Variants in WIPF3 observed in about 807,000 individuals in gnomAD.
The protein encoded by WIPF3 is WAS/WASL-interacting protein family member 3.
Under a neutral mutation model 38.9 loss-of-function variants are expected in WIPF3, and 33 were observed. The ratio of observed to expected loss-of-function variants is 0.85; its 90% CI spans 0.64 to 1.14. The LOEUF (loss-of-function observed/expected upper bound fraction) is 1.14. Ranked by LOEUF, WIPF3 falls within the 50% of genes most tolerant of loss-of-function variation. The pLI is 0.00. For synonymous variants in WIPF3, 324 were observed against 269.3 expected (o/e 1.20, Z -1.99); for missense variants, 711 against 652.5 (o/e 1.09, Z -0.98).
rs759465497 is a variant in WIPF3 at position 29,879,083 on chromosome 7, G to T, written c.298G>T (p.Asp100Tyr). ...RGASTPPTLG[D>Y]LFAGGFPVLR... ...CGCGAGCACACCTCCCACCCTGGGA[G>T]ATCTGTTTGCTGGTGGCTTTCCTGT... The change falls in exon 4 of 9, where the codon GAT (aspartate) becomes TAT (tyrosine). Residue 100 changes from aspartate to tyrosine, a missense_variant. Transcript: ENST00000242140. 1.7e-5 allele frequency: 27 copies of T among 1,611,866 alleles called. No individual in the cohort carries two copies. Among genetic ancestry groups the T allele is most frequent in the Non-Finnish European group, 1.7e-6 (2 of 1,179,070 alleles).
chr7:29,813,348 A>C (rs1279707595), intron 1 of WIPF3, among the ~76,000 whole-genome samples: 1 of 152,134 alleles, frequency 6.6e-6, no homozygotes, highest in Non-Finnish European at 1.5e-5. Context: ...CTCTCTTTAA[A>C]AACCTACAAA....
intron 2 of WIPF3, among the ~76,000 whole-genome samples, chr7:29,865,918 G>A (rs1785378905): frequency 6.6e-6 from 1 of 152,156 alleles, no homozygotes; most frequent in African/African-American, 2.4e-5. Context: ...TAGCACTTTG[G>A]GAGGCCGAGG....
chr7:29,903,129 C>T (rs973331068), intron 7 of WIPF3, among the ~76,000 whole-genome samples: 1 of 151,580 alleles, frequency 6.6e-6, no homozygotes, highest in African/African-American at 2.4e-5. Context: ...CCTGTCTCTA[C>T]AAAAAATTTT....
intron 7 of WIPF3, 101 bp downstream of exon 7, chr7:29,889,508 A>G: frequency 1.2e-6 from 1 of 858,324 alleles, no homozygotes; most frequent in South Asian, 1.5e-5. Context: ...GGATGATGTC[A>G]TGATTTCACT....
intron 5 of WIPF3, among the ~76,000 whole-genome samples, chr7:29,886,561 T>C (rs945668481): frequency 3.3e-5 from 5 of 152,002 alleles, no homozygotes; most frequent in Admixed American, 1.3e-4. Context: ...TTCCCCATGT[T>C]GGCCAGGCTG....
chr7:29,828,991 G>A (rs1480674010), intron 1 of WIPF3, among the ~76,000 whole-genome samples: 3 of 152,156 alleles, frequency 2.0e-5, no homozygotes. Context: ...CACACATGCA[G>A]AGCCTCCCAG....
In WIPF3 at chr7:29,889,522, C is replaced by T. The variant is rs1785963213; in HGVS notation, c.1351+115C>T. On this transcript the variant is annotated intron_variant, in intron 7 of 8. Transcript: ENST00000242140. ...AGGATGATGTCATGATTTCACTGTA[C>T]CACTGCAAGGATGTAGTGCTGTGCA... The T allele has an allele frequency of 1.2e-5, 9 of 769,966 alleles. No homozygotes were observed. In the South Asian group the frequency reaches 1.3e-4, roughly 11 times the overall value. The allele number at this position is 769,966 out of a possible 1,614,324, so 47.7% of individuals were successfully genotyped here. A position where few individuals can be genotyped will look rare whatever the true frequency, so the allele number is the denominator to read the frequency against.
At chr7:29,874,920 G>A (rs1427350396) in intron 2 of WIPF3, among the ~76,000 whole-genome samples, 1 of 152,278 alleles carries the variant, frequency 6.6e-6, no homozygotes, top group Non-Finnish European at 1.5e-5. Flanking sequence ...GGTAGTCATC[G>A]TTGCAAAGTG....
intron 7 of WIPF3, among the ~76,000 whole-genome samples, chr7:29,901,295 A>C (rs1786269882): frequency 1.3e-5 from 2 of 152,066 alleles, no homozygotes; most frequent in African/African-American, 4.8e-5. Context: ...GCATCTCATA[A>C]GGGAAATTCC....
At position 29,884,278 on chromosome 7, in the gene WIPF3, C is replaced by G; in HGVS notation, c.784C>G (p.Pro262Ala). 6.6e-7 allele frequency: 1 copy of G among 1,519,130 alleles called. No homozygotes were observed. Among genetic ancestry groups the G allele is most frequent in the African/African-American group, 1.5e-5 (1 of 68,868 alleles). 94.1% of individuals were successfully genotyped at this position (1,519,130 alleles called of 1,614,324 possible). ...LAPLHLPPIP[P>A]PLPLLPPCGY... The stretch of plus-strand genomic sequence containing the variant: ...TCCCTTGCACCTCCCGCCCATCCCG[C>G]CCCCGCTCCCTCTGCTCCCACCTTG... The change falls in exon 5 of 9, where the codon CCC (proline) becomes GCC (alanine). Residue 262 changes from proline to alanine, a missense_variant. Physicochemically the swap from Pro to Ala is conservative, Grantham distance 27. Transcript: ENST00000242140.
Position 29,844,654 on chromosome 7 carries a change from T to C in WIPF3, c.90+9840T>C, listed in dbSNP as rs1277823047. ...CGTGAACGGGTTCAGTAAGTGGTAC[T>C]GATGACTAGGCAATGAACACTTATC... is the stretch of plus-strand genomic sequence containing the variant. On this transcript the variant is annotated intron_variant, in intron 2 of 8. Transcript: ENST00000242140. The surrounding 1 kb of genome is among the most constrained non-coding windows in gnomAD (Gnocchi z 4.8). Among the ~76,000 whole-genome samples, 3 of 152,236 alleles carry C rather than the reference T, an allele frequency of 2.0e-5. No homozygotes were observed. The highest frequency in any genetic ancestry group is 7.2e-5 in the African/African-American group (3 of 41,468).
In WIPF3 at chr7:29,862,553, A is replaced by G. The variant is rs150816885; in HGVS notation, c.91-13277A>G. On this transcript the variant is annotated intron_variant, in intron 2 of 8. Transcript: ENST00000242140. ...GGGCATATCAAATTTTTATGTGTCC[A>G]TGGTTAAAAAATGAGCTGTGCAAAG... Among the ~76,000 whole-genome samples, 117 of 152,306 alleles carry G rather than the reference A, an allele frequency of 7.7e-4. 1 individual carries two copies. The highest frequency in any genetic ancestry group is 2.5e-3 in the African/African-American group (102 of 41,578).
At chr7:29,872,046 G>A (rs1188193253) in intron 2 of WIPF3, among the ~76,000 whole-genome samples, 2 of 152,190 alleles carry the variant, frequency 1.3e-5, no homozygotes, top group Non-Finnish European at 2.9e-5. Flanking sequence ...GTAATGTTTT[G>A]TTGGCTTCTT....
chr7:29,875,704 C>A, intron 2 of WIPF3, 126 bp from the exon 3 acceptor site: 1 of 1,298,818 alleles, frequency 7.7e-7, no homozygotes, highest in Non-Finnish European at 1.1e-6. Context: ...CATAGGTAAT[C>A]TGAGATCAGC....
At chr7:29,883,701 A>T (rs1481683930) in intron 4 of WIPF3, 149 bp from the exon 5 acceptor site, 3 of 1,153,722 alleles carry the variant, frequency 2.6e-6, no homozygotes, top group Non-Finnish European at 3.4e-6. Context: ...CAGCTGTGGC[A>T]CCTGAGGCCT....
chr7:29,904,232 T>G lies in WIPF3; in HGVS notation c.1352-54T>G, dbSNP rs1040741329. 1.9e-6 allele frequency: 3 copies of G among 1,565,158 alleles called. No individual in the cohort carries two copies. The African/African-American group carries it at 4.1e-5, about 21-fold the overall frequency. On this transcript the variant is annotated intron_variant, in intron 7 of 8. Transcript: ENST00000242140. ...TTAGAGAAAGTTTCTCTGTGAAACA[T>G]GCACACCCGGTCCCTGGGCCAATAG...
At chr7:29,821,441 C>T (rs568786524) in intron 1 of WIPF3, among the ~76,000 whole-genome samples, 7 of 152,204 alleles carry the variant, frequency 4.6e-5, no homozygotes, top group African/African-American at 1.4e-4. Context: ...ACAAGACACA[C>T]GCCACCATGC....
chr7:29,855,581 T>A (rs1785173472), intron 2 of WIPF3, among the ~76,000 whole-genome samples: 1 of 152,202 alleles, frequency 6.6e-6, no homozygotes, highest in Non-Finnish European at 1.5e-5. Context: ...GTTGGCTCCC[T>A]TTTGGGGGCC....
intron 1 of WIPF3, among the ~76,000 whole-genome samples, chr7:29,821,385 T>C (rs1784534766): frequency 6.6e-6 from 1 of 152,042 alleles, no homozygotes; most frequent in Non-Finnish European, 1.5e-5. Context: ...GCCTCCACCT[T>C]CTAGCCTCAA....
Sources: gnomAD v4.1 joint callset for allele counts (sites outside exome capture counted in the v4.1 genomes callset) on GRCh38, gnomAD v4.1.1 for gene constraint, Gnocchi (gnomAD v3.1) non-coding constraint, MANE v1.5 for transcripts, NCBI Gene and HGNC (gene_info 2026-07-23, HGNC 2026-07-21) for gene names.